The following IARS1 variants were observed in gnomAD, a reference collection of about 807,000 sequenced individuals.
IARS1 encodes isoleucyl-tRNA synthetase 1, also known as isoleucine--tRNA ligase, cytoplasmic.
Under a neutral mutation model 168.2 loss-of-function variants are expected in IARS1, and 124 were observed. That is an observed-to-expected ratio of 0.74 (90% CI 0.64 to 0.86). IARS1 has a LOEUF of 0.86. Ranked by LOEUF, IARS1 falls within the 40% of genes least tolerant of loss-of-function variation. IARS1 has a pLI of 0.00. For missense variants in IARS1, 1,452 were observed against 1,515.8 expected (o/e 0.96, Z 0.70); for synonymous variants, 532 against 529.4 (o/e 1.00, Z -0.07).
chr9:92,271,309 ATGAAC>A (rs1387037792), intron 11 of IARS1, among the ~76,000 whole-genome samples: 1 of 152,204 alleles, frequency 6.6e-6, no homozygotes, highest in Non-Finnish European at 1.5e-5. Context: ...TTCATGAGGC[ATGAAC>A]TGGAGTTTTT....
chr9:92,269,846 G>T, intron 13 of IARS1, 39 bp downstream of exon 13: 1 of 1,383,826 alleles, frequency 7.2e-7, no homozygotes, highest in Non-Finnish European at 1.0e-6. Context: ...CTAACCACAT[G>T]ACAAAAGACA....
At chr9:92,277,802 AC>A in intron 9 of IARS1, 60 bp downstream of exon 9, 1 of 1,410,092 alleles carries the variant, frequency 7.1e-7, no homozygotes, top group Non-Finnish European at 9.9e-7. Context: ...TTCTCACAAC[AC>A]CCCAGCTATC....
rs140193457 is a variant in IARS1 at position 92,244,164 on chromosome 9, C to G, written c.2904+795G>C. Among the ~76,000 whole-genome samples the G allele has an allele frequency of 2.0e-3, 309 of 152,312 alleles. 5 individuals are homozygous for G. The highest frequency in any genetic ancestry group is 6.8e-3 in the African/African-American group (282 of 41,568). ...CACTTTTGTAAGGTGGACAACTTTTCAGGCCCCTAACATCTGCTGTAATGA... is the reference window on the plus strand; with the variant it reads ...CACTTTTGTAAGGTGGACAACTTTTGAGGCCCCTAACATCTGCTGTAATGA... On this transcript the variant is annotated intron_variant, in intron 27 of 33. Coordinates refer to ENST00000443024, the MANE Select transcript of IARS1 (RefSeq NM_002161.6).
intron 9 of IARS1, 47 bp from the exon 10 acceptor site, chr9:92,274,568 T>C (rs747360730): frequency 1.5e-6 from 2 of 1,334,222 alleles, no homozygotes; most frequent in Non-Finnish European, 2.2e-6. Context: ...ATTACTGTGT[T>C]ACAACGTTAA....
intron 31 of IARS1, among the ~76,000 whole-genome samples, chr9:92,224,916 G>A (rs1032050021): frequency 2.6e-5 from 4 of 152,148 alleles, no homozygotes; most frequent in Non-Finnish European, 4.4e-5. Flanking sequence ...CTTGCCCAAT[G>A]GATTGATGAA....
At chr9:92,220,992 C>A (rs1157187747) in intron 33 of IARS1, among the ~76,000 whole-genome samples, 8 of 151,852 alleles carry the variant, frequency 5.3e-5, no homozygotes, top group Admixed American at 4.6e-4. Context: ...AACAAAAAAA[C>A]CAAAACACTG....
At chr9:92,274,332 C>T in intron 10 of IARS1, 94 bp downstream of exon 10, 1 of 931,354 alleles carries the variant, frequency 1.1e-6, no homozygotes, top group Non-Finnish European at 1.7e-6. Flanking sequence ...AGAGGCCAAC[C>T]TGGTAACCCA....
chr9:92,263,798 C>A (rs367683021), intron 16 of IARS1, among the ~76,000 whole-genome samples: 45 of 152,300 alleles, frequency 3.0e-4, no homozygotes, highest in African/African-American at 1.1e-3. Context: ...AGGACTGTTA[C>A]CAGCTAACAG....
rs80204826 is a variant in IARS1, at chr9:92,231,347, T to A, written c.3284-2221A>T. On this transcript the variant is annotated intron_variant, in intron 30 of 33. Transcript: ENST00000443024. Reference sequence around the variant, plus strand: ...CAGTTTTCAAATGAAAGCTAAGAAATCTGCTTATCTGTATGCTTATACATG... The same window carrying A: ...CAGTTTTCAAATGAAAGCTAAGAAAACTGCTTATCTGTATGCTTATACATG... Among the ~76,000 whole-genome samples the A allele has an allele frequency of 7.6e-4, 115 of 152,216 alleles. No individual in the cohort carries two copies. In the East Asian group the frequency reaches 0.02, roughly 27 times the overall value.
intron 28 of IARS1, chr9:92,242,613 C>G (rs924829734): frequency 5.3e-6 from 2 of 374,930 alleles, no homozygotes; most frequent in Non-Finnish European, 9.7e-6. Context: ...AACCCACTTA[C>G]AAAGCTCTGA....
At chr9:92,215,536 A>C (rs972824213) in intron 33 of IARS1, among the ~76,000 whole-genome samples, 3 of 151,812 alleles carry the variant, frequency 2.0e-5, no homozygotes, top group African/African-American at 4.8e-5. Context: ...AAAATTTAGA[A>C]GAATGTATAA....
intron 22 of IARS1, among the ~76,000 whole-genome samples, chr9:92,251,587 G>C (rs1301573785): frequency 6.6e-6 from 1 of 152,184 alleles, no homozygotes; most frequent in African/African-American, 2.4e-5. Flanking sequence ...TGTACTGCCA[G>C]AGACTGTAAG....
chr9:92,285,637 A>C, intron 6 of IARS1, 85 bp downstream of exon 6: 3 of 786,914 alleles, frequency 3.8e-6, no homozygotes, highest in Admixed American at 1.9e-5. Flanking sequence ...CACTGGGTCT[A>C]CTTGGGAATA....
At chr9:92,251,567 T>G (rs572476119) in intron 22 of IARS1, among the ~76,000 whole-genome samples, 1 of 152,342 alleles carries the variant, frequency 6.6e-6, no homozygotes, top group South Asian at 2.1e-4. Flanking sequence ...CCAAGGGCCC[T>G]GACATATATT....
chr9:92,227,937 G>A (rs1472794051), intron 31 of IARS1, among the ~76,000 whole-genome samples: 8 of 152,300 alleles, frequency 5.3e-5, no homozygotes, highest in Non-Finnish European at 1.0e-4. Context: ...ACGGGGTGGC[G>A]GCCGGGCAGA....
chr9:92,236,674 C>G (rs1424322456), intron 30 of IARS1, among the ~76,000 whole-genome samples: 1 of 151,968 alleles, frequency 6.6e-6, no homozygotes, highest in Non-Finnish European at 1.5e-5. Context: ...AGGGTGAAAC[C>G]CCGTCTCTAC....
chr9:92,264,190 C>T (rs1288205202), intron 16 of IARS1, among the ~76,000 whole-genome samples: 1 of 151,976 alleles, frequency 6.6e-6, no homozygotes, highest in African/African-American at 2.4e-5. Flanking sequence ...CAAAAATTAG[C>T]TGGGCATGGT....
In IARS1 at chr9:92,210,759, T is replaced by C. The variant is rs1159125053; in HGVS notation, c.*48A>G. 3 of 1,029,926 alleles carry C rather than the reference T, an allele frequency of 2.9e-6. No individual in the cohort carries two copies. The highest frequency in any genetic ancestry group is 1.7e-5 in the Admixed American group (1 of 59,118). 63.8% of individuals were successfully genotyped at this position (1,029,926 alleles called of 1,614,324 possible). ...TCTATGTGCATGTATGTGTAGGGGA[T>C]AGGTGTAATTAGGGAAGGGCTGACC... On this transcript the variant is annotated 3_prime_UTR_variant, in exon 34 of 34. Coordinates refer to ENST00000443024, the MANE Select transcript of IARS1 (RefSeq NM_002161.6).
chr9:92,217,600 C>T (rs1389176922), intron 33 of IARS1, among the ~76,000 whole-genome samples: 3,449 of 148,816 alleles, frequency 0.023, 62 homozygotes, highest in South Asian at 0.051. Flanking sequence ...ATATCACCAC[C>T]GATCCCACAG....
Sources: gnomAD v4.1 joint callset for allele counts (sites outside exome capture counted in the v4.1 genomes callset) on GRCh38, gnomAD v4.1.1 for gene constraint, MANE v1.5 for transcripts, NCBI Gene and HGNC (gene_info 2026-07-23, HGNC 2026-07-21) for gene names.